PGR: variants seen among roughly 807,000 people sequenced by gnomAD.
PGR encodes the protein progesterone receptor, also known as nuclear receptor subfamily 3 group C member 3.
PGR carries 25 observed loss-of-function variants against 76.1 expected under a neutral mutation model. The ratio of observed to expected loss-of-function variants is 0.33; its 90% CI spans 0.24 to 0.46. The LOEUF is 0.46. Ranked by LOEUF, PGR falls within the 20% of genes least tolerant of loss-of-function variation. PGR has a pLI of 1.00. For synonymous variants in PGR, 579 were observed against 535.0 expected, an observed-to-expected ratio of 1.08 and a Z score of -1.14; for missense variants, 1,172 against 1,225.3, an observed-to-expected ratio of 0.96 and a Z score of 0.65.
chr11:101,071,160 C>T (rs991619629), intron 3 of PGR, among the ~76,000 whole-genome samples: 25 of 152,082 alleles, frequency 1.6e-4, no homozygotes, highest in African/African-American at 3.6e-4. Flanking sequence ...CTGCAGAGTC[C>T]GCTAGTGATA....
chr11:101,127,856 A>T lies in PGR; in HGVS notation c.1215T>A (p.Leu405=). ...EASARSPRSY[L]VAGANPAAFP... ...AGGCTGCGGGGTTGGCACCGGCCAC[A>T]AGGTAGGAACGCGGGGAGCGCGCGG... The change falls in exon 1 of 8, where the codon CTT becomes CTA. Residue 405 remains leucine, a synonymous_variant. Coordinates refer to ENST00000325455, the MANE Select transcript of PGR (RefSeq NM_000926.4). The T allele has an allele frequency of 6.3e-7, 1 of 1,595,554 alleles. No homozygotes were observed. The highest frequency in any genetic ancestry group is 1.1e-5 in the South Asian group (1 of 90,330).
chr11:101,100,241 T>C (rs950055349), intron 2 of PGR, among the ~76,000 whole-genome samples: 1 of 152,138 alleles, frequency 6.6e-6, no homozygotes, highest in Non-Finnish European at 1.5e-5. Context: ...CAGTGAATTC[T>C]CATGAGATCT....
At position 101,128,273 on chromosome 11, in the gene PGR, G is replaced by T; in HGVS notation, c.798C>A (p.Ala266=). 1 of 1,591,938 alleles carries T rather than the reference G, an allele frequency of 6.3e-7. No individual in the cohort carries two copies. The highest frequency in any genetic ancestry group is 8.5e-7 in the Non-Finnish European group (1 of 1,175,532). ...AGCGGGAATCTTCCTTGGGGACCAG[G>T]GCGACGCCTCCTGCTGCCGCCCCCG... ...VPPGAAAGGV[A]LVPKEDSRFS... The change falls in exon 1 of 8, where the codon GCC becomes GCA. Residue 266 remains alanine (A), a synonymous_variant. Transcript: ENST00000325455.
chr11:101,052,189 C>T (rs1860113456), intron 4 of PGR, among the ~76,000 whole-genome samples: 1 of 152,018 alleles, frequency 6.6e-6, no homozygotes, highest in South Asian at 2.1e-4. Context: ...GTAGATTCCA[C>T]AGTCATCAGG....
chr11:101,092,844 A>G (rs1861715479), intron 2 of PGR, among the ~76,000 whole-genome samples: 1 of 152,170 alleles, frequency 6.6e-6, no homozygotes, highest in South Asian at 2.1e-4. Flanking sequence ...CAGCCTACTT[A>G]TACTGCTGAA....
At chr11:101,103,821 T>G (rs1215663626) in intron 2 of PGR, among the ~76,000 whole-genome samples, 2 of 152,240 alleles carry the variant, frequency 1.3e-5, no homozygotes, top group Non-Finnish European at 2.9e-5. Flanking sequence ...TTACCTGGGA[T>G]GCAGTGAGTC....
chr11:101,115,664 G>A (rs1268247020), intron 2 of PGR, among the ~76,000 whole-genome samples: 1 of 152,044 alleles, frequency 6.6e-6, no homozygotes, highest in Non-Finnish European at 1.5e-5. Flanking sequence ...CCAGCTACTC[G>A]GGAGGCTGAG....
At chr11:101,062,829 G>A (rs1477375914) in intron 3 of PGR, 77 bp from the exon 4 acceptor site, 2 of 987,624 alleles carry the variant, frequency 2.0e-6, no homozygotes, top group Non-Finnish European at 3.0e-6. Flanking sequence ...TTTTTCCTAA[G>A]TCTTAGAATC....
chr11:101,118,508 G>C (rs61891044), intron 2 of PGR, among the ~76,000 whole-genome samples: 2 of 152,216 alleles, frequency 1.3e-5, no homozygotes, highest in South Asian at 4.1e-4. Flanking sequence ...ATGATTACTA[G>C]TAAATACTAT....
intron 3 of PGR, among the ~76,000 whole-genome samples, chr11:101,076,919 ATTTTTTTT>A (rs59106149): frequency 6.1e-5 from 4 of 65,156 alleles, no homozygotes; most frequent in South Asian, 3.6e-4. Flanking sequence ...TACAAATGGA[ATTTTTTTT>A]TTTTTTTTTT....
At chr11:101,123,610 T>A (rs1862746431) in intron 2 of PGR, among the ~76,000 whole-genome samples, 1 of 152,222 alleles carries the variant, frequency 6.6e-6, no homozygotes, top group Admixed American at 6.5e-5. Context: ...CACTCTTCTT[T>A]GACTGTATAC....
intron 2 of PGR, among the ~76,000 whole-genome samples, chr11:101,125,214 G>A (rs1325045720): frequency 6.6e-6 from 1 of 151,992 alleles, no homozygotes; most frequent in African/African-American, 2.4e-5. Context: ...AAAGATGTTT[G>A]GCTGCTTAGA....
chr11:101,074,410 C>A (rs1210290081), intron 3 of PGR, among the ~76,000 whole-genome samples: 1 of 152,116 alleles, frequency 6.6e-6, no homozygotes, highest in Non-Finnish European at 1.5e-5. Context: ...CCTTTGAAAA[C>A]CAGCACAAGA....
chr11:101,058,868 G>A (rs1314578332), intron 4 of PGR, among the ~76,000 whole-genome samples: 1 of 152,010 alleles, frequency 6.6e-6, no homozygotes, highest in Non-Finnish European at 1.5e-5. Flanking sequence ...TCTTTTCAAT[G>A]GTTTCTTACC....
At chr11:101,085,620 A>T (rs1175343622) in intron 3 of PGR, among the ~76,000 whole-genome samples, 1 of 151,452 alleles carries the variant, frequency 6.6e-6, no homozygotes, top group Non-Finnish European at 1.5e-5. Flanking sequence ...AATGAAATTG[A>T]GACCCAAAAA....
intron 3 of PGR, among the ~76,000 whole-genome samples, chr11:101,083,443 C>T (rs559876419): frequency 6.6e-6 from 1 of 152,314 alleles, no homozygotes; most frequent in Admixed American, 6.5e-5. Flanking sequence ...CACCATCAAC[C>T]AGACCTCAGA....
intron 3 of PGR, among the ~76,000 whole-genome samples, chr11:101,084,433 G>T (rs1410071971): frequency 6.6e-6 from 1 of 152,032 alleles, no homozygotes; most frequent in Non-Finnish European, 1.5e-5. Context: ...TGAGGCGGGT[G>T]GATCACCTGA....
At chr11:101,123,732 T>C (rs1862751741) in intron 2 of PGR, among the ~76,000 whole-genome samples, 1 of 152,316 alleles carries the variant, frequency 6.6e-6, no homozygotes, top group African/African-American at 2.4e-5. Flanking sequence ...TTTCAACCCA[T>C]AACCACCTCG....
Position 101,031,338 on chromosome 11 carries a change from T to C in PGR, c.*7778A>G, listed in dbSNP as rs2135364735. The C allele has an allele frequency of 4.5e-6, 1 of 222,926 alleles. No homozygotes were observed. Among genetic ancestry groups the C allele is most frequent in the Non-Finnish European group, 9.0e-6 (1 of 111,624 alleles). The allele number at this position is 222,926 out of a possible 1,614,324, so 13.8% of individuals were successfully genotyped here. On this transcript the variant is annotated 3_prime_UTR_variant, in exon 8 of 8. Coordinates refer to ENST00000325455, the MANE Select transcript of PGR (RefSeq NM_000926.4). ...CAGTGAGGACCTGGAGAAAGAAACCTCCTTCCCACAGCTACCATGTACATA... is the reference window on the plus strand; with the variant it reads ...CAGTGAGGACCTGGAGAAAGAAACCCCCTTCCCACAGCTACCATGTACATA...
Sources: gnomAD v4.1 joint callset for allele counts (sites outside exome capture counted in the v4.1 genomes callset) on GRCh38, gnomAD v4.1.1 for gene constraint, MANE v1.5 for transcripts, NCBI Gene and HGNC (gene_info 2026-07-23, HGNC 2026-07-21) for gene names.